Variants in ADCY5 observed in about 807,000 individuals in gnomAD.
ADCY5 encodes adenylate cyclase type 5.
Under a neutral mutation model 119.7 loss-of-function variants are expected in ADCY5, and 30 were observed. The ratio of observed to expected loss-of-function variants is 0.25; its 90% CI spans 0.19 to 0.34. The LOEUF (loss-of-function observed/expected upper bound fraction) is 0.34. Among genes scored for constraint, ADCY5 ranks in the 10% least tolerant of loss-of-function variants. The pLI is 1.00. For missense variants in ADCY5, 1,324 were observed against 1,775.2 expected (o/e 0.75, Z 4.57); for synonymous variants, 753 against 762.2 (o/e 0.99, Z 0.20).
intron 1 of ADCY5, among the ~76,000 whole-genome samples, chr3:123,364,634 C>A (rs1172681239): frequency 6.6e-6 from 1 of 152,034 alleles, no homozygotes; most frequent in African/African-American, 2.4e-5. Context: ...AGAATTTTTT[C>A]TATGGCAGAG....
chr3:123,330,877 G>T lies in ADCY5; in HGVS notation c.1646+12C>A, dbSNP rs977048097. On this transcript the variant is annotated intron_variant, in intron 5 of 20. Coordinates refer to ENST00000462833, the MANE Select transcript of ADCY5 (RefSeq NM_183357.3). ...CAGGGAGGGAGACGGTACCCGGGGG[G>T]TGGACACTTACGAGATGGCCTCGAT... is the stretch of plus-strand genomic sequence containing the variant. The T allele has an allele frequency of 4.4e-6, 7 of 1,605,198 alleles. No homozygotes were observed. Among genetic ancestry groups the T allele is most frequent in the Admixed American group, 1.7e-5 (1 of 58,592 alleles).
chr3:123,359,790 T>G (rs1011126189), intron 1 of ADCY5, among the ~76,000 whole-genome samples: 1 of 152,190 alleles, frequency 6.6e-6, no homozygotes, highest in Non-Finnish European at 1.5e-5. Flanking sequence ...CTTCCTGTTC[T>G]AGTCCTTTGT....
chr3:123,393,915 T>C (rs1224844829), intron 1 of ADCY5, among the ~76,000 whole-genome samples: 1 of 152,106 alleles, frequency 6.6e-6, no homozygotes, highest in African/African-American at 2.4e-5. Flanking sequence ...GGGCAGATCA[T>C]TTGAGGTCAG....
rs1383981614 is a variant in ADCY5 at position 123,352,283 on chromosome 3, G to C, written c.1284+149C>G. On this transcript the variant is annotated intron_variant, in intron 2 of 20. Coordinates refer to ENST00000462833, the MANE Select transcript of ADCY5 (RefSeq NM_183357.3). This position sits in a 1 kb window ranked among gnomAD's most constrained non-coding sequence, Gnocchi z 4.8. ...GGCCTGGAATGCTGGACTCTCTCCA[G>C]GGGAAACATTCCCCATGGGTTGGTC... The C allele has an allele frequency of 5.8e-6, 6 of 1,032,124 alleles. No homozygotes were observed. Among genetic ancestry groups the C allele is most frequent in the Non-Finnish European group, 8.1e-6 (6 of 744,426 alleles). The allele number at this position is 1,032,124 out of a possible 1,614,324, so 63.9% of individuals were successfully genotyped here.
chr3:123,327,441 C>T (rs1202982350), intron 7 of ADCY5, among the ~76,000 whole-genome samples, 177 bp downstream of exon 7: 4 of 152,236 alleles, frequency 2.6e-5, no homozygotes, highest in Non-Finnish European at 5.9e-5. Flanking sequence ...AAGATTCCCT[C>T]TTTACCATCC....
At chr3:123,394,547 C>A (rs1944488882) in intron 1 of ADCY5, among the ~76,000 whole-genome samples, 1 of 152,128 alleles carries the variant, frequency 6.6e-6, no homozygotes, top group Non-Finnish European at 1.5e-5. Flanking sequence ...TAATAATATA[C>A]TTGTTAAGCT....
At chr3:123,327,572 C>T in intron 7 of ADCY5, 46 bp downstream of exon 7, 1 of 1,577,660 alleles carries the variant, frequency 6.3e-7, no homozygotes, top group East Asian at 2.3e-5. Flanking sequence ...ATGTTCCTCC[C>T]TGGAGGAAGG....
intron 5 of ADCY5, among the ~76,000 whole-genome samples, chr3:123,330,258 T>G (rs768755125): frequency 6.6e-6 from 1 of 152,208 alleles, no homozygotes; most frequent in Admixed American, 6.5e-5. Flanking sequence ...CTGCCCAAGC[T>G]ATTTCTAAAG....
In ADCY5 at chr3:123,290,064, C is replaced by T. The variant is rs372934359; in HGVS notation, c.3328-110G>A. ...GCAGCAGCATGGCCCTTCATGTGTC[C>T]GCTCTTCACACAGTGGGGCCTGTCT... On this transcript the variant is annotated intron_variant, in intron 18 of 20. Coordinates refer to ENST00000462833, the MANE Select transcript of ADCY5 (RefSeq NM_183357.3). 158 of 1,071,794 alleles carry T rather than the reference C, an allele frequency of 1.5e-4. 1 individual carries two copies. The highest frequency in any genetic ancestry group is 1.2e-3 in the South Asian group (84 of 68,488). The allele number at this position is 1,071,794 out of a possible 1,614,324, so 66.4% of individuals were successfully genotyped here. A position where few individuals can be genotyped will look rare whatever the true frequency, so the allele number is the denominator to read the frequency against.
chr3:123,358,592 T>G (rs200750580), intron 1 of ADCY5, among the ~76,000 whole-genome samples: 1 of 152,110 alleles, frequency 6.6e-6, no homozygotes, highest in East Asian at 1.9e-4. Flanking sequence ...AAAGCGAGAC[T>G]CTGACTCCAA....
chr3:123,404,701 G>A (rs1232984564), intron 1 of ADCY5: 2 of 152,280 alleles, frequency 1.3e-5, no homozygotes, highest in Non-Finnish European at 2.9e-5. Context: ...CTCTGAGGGT[G>A]TTGTGGGTCC....
intron 16 of ADCY5, chr3:123,297,128 C>A: frequency 7.0e-7 from 1 of 1,418,904 alleles, no homozygotes; most frequent in South Asian, 1.2e-5. Flanking sequence ...ATCCCAACCA[C>A]AGAGACTACA....
intron 1 of ADCY5, among the ~76,000 whole-genome samples, chr3:123,368,801 T>C (rs1943539372): frequency 1.3e-5 from 2 of 151,428 alleles, no homozygotes; most frequent in South Asian, 2.1e-4. Context: ...CTGCTCACTG[T>C]TGTGTCCCTA....
chr3:123,306,324 T>C (rs1306462064), intron 12 of ADCY5, among the ~76,000 whole-genome samples: 1 of 151,980 alleles, frequency 6.6e-6, no homozygotes, highest in African/African-American at 2.4e-5. Context: ...CACACAGATA[T>C]CCACATGCAA....
intron 1 of ADCY5, among the ~76,000 whole-genome samples, chr3:123,406,409 C>CT (rs1944902067): frequency 6.6e-6 from 1 of 152,372 alleles, no homozygotes. Context: ...AACAAACTAT[C>CT]TTTTCCACGG....
intron 12 of ADCY5, among the ~76,000 whole-genome samples, chr3:123,305,884 C>T (rs764870600): frequency 7.2e-5 from 11 of 152,278 alleles, no homozygotes; most frequent in Middle Eastern, 3.4e-3. Flanking sequence ...GAGCTGCTGC[C>T]ACGGCAGAGG....
intron 1 of ADCY5, among the ~76,000 whole-genome samples, chr3:123,384,634 C>T (rs143577862): frequency 7.9e-5 from 12 of 152,314 alleles, no homozygotes; most frequent in African/African-American, 2.4e-4. Flanking sequence ...ATCTAAATTT[C>T]ACTACGCCCA....
At chr3:123,390,675 G>C (rs1361142998) in intron 1 of ADCY5, among the ~76,000 whole-genome samples, 2 of 152,336 alleles carry the variant, frequency 1.3e-5, no homozygotes, top group East Asian at 1.9e-4. Context: ...TGGCAGATGT[G>C]AGTGAAGAAC....
chr3:123,396,017 A>AGAGGGAGGGAGGGAGAGAGG (rs1944540042), intron 1 of ADCY5, among the ~76,000 whole-genome samples: 1 of 116,788 alleles, frequency 8.6e-6, no homozygotes, highest in African/African-American at 3.2e-5. Flanking sequence ...AGAGAAAGAG[A>AGAGGGAGGGAGGGAGAGAGG]GAGGGAGGGA....
Sources: allele counts gnomAD v4.1 joint callset (sites outside exome capture counted in the v4.1 genomes callset), GRCh38; gene constraint gnomAD v4.1.1; non-coding constraint Gnocchi (gnomAD v3.1); transcripts MANE v1.5; gene names NCBI Gene and HGNC (gene_info 2026-07-23, HGNC 2026-07-21).